UBE4A: variants seen among roughly 807,000 people sequenced by gnomAD.
The protein encoded by UBE4A is ubiquitination factor E4A.
Under a neutral mutation model 117.9 loss-of-function variants are expected in UBE4A, and 48 were observed. The observed-to-expected ratio is 0.41, with a 90% CI of 0.32 to 0.52. UBE4A has a LOEUF of 0.52. UBE4A is among the 20% of genes least tolerant of loss of function. The pLI, the probability that UBE4A is intolerant of heterozygous loss-of-function variation, is 0.33. For missense variants in UBE4A, 1,067 were observed against 1,296.3 expected (o/e 0.82, Z 2.72); for synonymous variants, 407 against 450.0 (o/e 0.90, Z 1.21).
In UBE4A at chr11:118,369,406, T is replaced by C. The variant is rs745981909; in HGVS notation, c.296-17T>C. ...GAAGCATTATCCTTAACCTATCATA[T>C]TAAAACCATTTCCCAGGTGATCCCA... On this transcript the variant is annotated splice_polypyrimidine_tract_variant and intron_variant, in intron 3 of 19. Coordinates refer to ENST00000252108, the MANE Select transcript of UBE4A (RefSeq NM_001204077.2). The C allele has an allele frequency of 6.3e-7, 1 of 1,594,010 alleles. No homozygotes were observed. The highest frequency in any genetic ancestry group is 8.6e-7 in the Non-Finnish European group (1 of 1,161,958).
chr11:118,368,742 T>C lies in UBE4A; in HGVS notation c.233T>C (p.Ile78Thr). ...CGCTCATTCCGATCACAGCAGGAAA[T>C]ATGTGAGCAACTCAACATCAATCAC... Reference protein sequence around the residue: ...ISRSFRSQQEICEQLNINHMI... With the variant: ...ISRSFRSQQETCEQLNINHMI... Residue 78 changes from isoleucine (I) to threonine (T), a missense_variant, in exon 3 of 20, where the codon ATA becomes ACA. Physicochemically the swap from Ile to Thr is moderately conservative, Grantham distance 89 (BLOSUM62 -1). Coordinates refer to ENST00000252108, the MANE Select transcript of UBE4A (RefSeq NM_001204077.2). 1.2e-6 allele frequency: 2 copies of C among 1,614,202 alleles called. No homozygotes were observed. The highest frequency in any genetic ancestry group is 1.7e-6 in the Non-Finnish European group (2 of 1,180,038).
intron 16 of UBE4A, among the ~76,000 whole-genome samples, chr11:118,389,402 A>G (rs782295064): frequency 1.3e-5 from 2 of 152,242 alleles, no homozygotes; most frequent in South Asian, 4.1e-4. Flanking sequence ...AAATATGATC[A>G]TTTTTGTTTA....
intron 19 of UBE4A, 30 bp downstream of exon 19, chr11:118,392,925 G>A (rs201981597): frequency 1.2e-6 from 2 of 1,605,282 alleles, no homozygotes; most frequent in Non-Finnish European, 1.7e-6. Context: ...AGACTCAAGA[G>A]CATATATATA....
chr11:118,366,804 C>T (rs1289185438), intron 2 of UBE4A, among the ~76,000 whole-genome samples: 3 of 152,212 alleles, frequency 2.0e-5, no homozygotes, highest in African/African-American at 2.4e-5. Context: ...CGCAGTGGCT[C>T]GCGCCTGTAA....
intron 11 of UBE4A, 141 bp from the exon 12 acceptor site, chr11:118,381,250 T>G: frequency 1.0e-6 from 1 of 988,992 alleles, no homozygotes; most frequent in African/African-American, 1.6e-5. Context: ...ATTTATTGAC[T>G]TAACGACCAT....
chr11:118,369,716 T>A (rs1394962980), intron 4 of UBE4A, among the ~76,000 whole-genome samples, 181 bp downstream of exon 4: 1 of 151,752 alleles, frequency 6.6e-6, no homozygotes, highest in Non-Finnish European at 1.5e-5. Context: ...ATTGTGGTGT[T>A]CCTCTTTTGG....
intron 1 of UBE4A, among the ~76,000 whole-genome samples, chr11:118,361,787 G>A (rs1255667767): frequency 6.6e-6 from 1 of 152,156 alleles, no homozygotes; most frequent in Non-Finnish European, 1.5e-5. Context: ...GTAGGGTCAT[G>A]GGTGATGCTG....
At chr11:118,364,914 G>A in intron 1 of UBE4A, 126 bp from the exon 2 acceptor site, 1 of 1,009,110 alleles carries the variant, frequency 9.9e-7, no homozygotes, top group Non-Finnish European at 1.3e-6. Context: ...ACAGGAATTG[G>A]AAAATCTTAA....
intron 1 of UBE4A, among the ~76,000 whole-genome samples, chr11:118,361,091 A>G (rs1055863897): frequency 2.4e-4 from 34 of 143,600 alleles, no homozygotes; most frequent in African/African-American, 8.6e-4. Flanking sequence ...ATCTCAGCTC[A>G]CGGCAACCTC....
chr11:118,387,448 A>C (rs1948769938), intron 16 of UBE4A, among the ~76,000 whole-genome samples: 1 of 152,208 alleles, frequency 6.6e-6, no homozygotes, highest in South Asian at 2.1e-4. Context: ...CTATGAACGT[A>C]GAACAGAAGG....
chr11:118,396,686 T>A lies in UBE4A; in HGVS notation c.*246T>A, dbSNP rs1555129851. On this transcript the variant is annotated 3_prime_UTR_variant, in exon 20 of 20. Coordinates refer to ENST00000252108, the MANE Select transcript of UBE4A (RefSeq NM_001204077.2). ...ATAGCATCACCAAGTTTAGAAATCATCACTAATTTTCACCCTCTGTTGTCT... is the reference window on the plus strand; with the variant it reads ...ATAGCATCACCAAGTTTAGAAATCAACACTAATTTTCACCCTCTGTTGTCT... 1 of 302,572 alleles carries A rather than the reference T, an allele frequency of 3.3e-6. No homozygotes were observed. Among genetic ancestry groups the A allele is most frequent in the African/African-American group, 2.3e-5 (1 of 44,304 alleles). The allele number at this position is 302,572 out of a possible 1,614,324, so 18.7% of individuals were successfully genotyped here. A position where few individuals can be genotyped will look rare whatever the true frequency, so the allele number is the denominator to read the frequency against.
intron 1 of UBE4A, 31 bp from the exon 2 acceptor site, chr11:118,365,009 C>A: frequency 6.6e-7 from 1 of 1,523,422 alleles, no homozygotes; most frequent in Non-Finnish European, 8.8e-7. Flanking sequence ...GTCATCTGCC[C>A]TCTTGTGTCT....
intron 1 of UBE4A, among the ~76,000 whole-genome samples, chr11:118,364,235 G>T (rs1009063384): frequency 4.6e-5 from 7 of 152,034 alleles, no homozygotes; most frequent in African/African-American, 1.7e-4. Flanking sequence ...GTAATCAGAA[G>T]AGTGTGAATG....
At position 118,367,246 on chromosome 11, in the gene UBE4A, T is replaced by TAA. The variant is rs201188460; in HGVS notation, c.122-1373_122-1372dup. On this transcript the variant is annotated intron_variant, in intron 2 of 19. Transcript: ENST00000252108. ...GGAGCAGATTTTGAGGACAGAAGTTTAAAAAAAAAAAAATCGAAGGAATTT... is the reference window on the plus strand; with the variant it reads ...GGAGCAGATTTTGAGGACAGAAGTTTAAAAAAAAAAAAAAATCGAAGGAATTT... 1.4e-4 allele frequency among the ~76,000 whole-genome samples: 19 copies of TAA among 136,980 alleles called. No homozygotes were observed. In the South Asian group the frequency reaches 2.0e-3, roughly 14 times the overall value. The allele number at this position is 136,980 out of a possible 152,430, so 89.9% of individuals were successfully genotyped here.
rs761014676 is a variant in UBE4A, at chr11:118,373,719, G to A, written c.1116+34G>A. The A allele has an allele frequency of 1.9e-6, 3 of 1,580,446 alleles. No homozygotes were observed. The South Asian group carries it at 3.5e-5, about 19-fold the overall frequency. ...GTTTACCAGGGTATCCCAGCCCCCT[G>A]ATCTTAAAAGAGTTTTCTCAGAAAG... On this transcript the variant is annotated intron_variant, in intron 8 of 19. Transcript: ENST00000252108.
At chr11:118,377,950 A>G (rs1342446538) in intron 10 of UBE4A, among the ~76,000 whole-genome samples, 10 of 148,426 alleles carry the variant, frequency 6.7e-5, no homozygotes. Flanking sequence ...ACTCCTGGTG[A>G]TAAAAGATGA....
intron 2 of UBE4A, among the ~76,000 whole-genome samples, chr11:118,367,487 T>G (rs1948573858): frequency 6.6e-6 from 1 of 151,708 alleles, no homozygotes; most frequent in Non-Finnish European, 1.5e-5. Flanking sequence ...TCAGACAGTC[T>G]CTTTGAGGGT....
At chr11:118,370,222 C>T (rs190016593) in intron 4 of UBE4A, among the ~76,000 whole-genome samples, 2 of 152,350 alleles carry the variant, frequency 1.3e-5, no homozygotes, top group African/African-American at 2.4e-5. Context: ...TTGCGGCTTT[C>T]TTATGTACCT....
intron 1 of UBE4A, among the ~76,000 whole-genome samples, chr11:118,363,649 T>C (rs1206509293): frequency 6.7e-6 from 1 of 150,140 alleles, no homozygotes; most frequent in Non-Finnish European, 1.5e-5. Flanking sequence ...TCTCGCTCTG[T>C]CACCCAGGTT....
Sources: allele counts gnomAD v4.1 joint callset (sites outside exome capture counted in the v4.1 genomes callset), GRCh38; gene constraint gnomAD v4.1.1; transcripts MANE v1.5; gene names NCBI Gene and HGNC (gene_info 2026-07-23, HGNC 2026-07-21).